Variants in SNX13 observed in about 807,000 individuals in gnomAD.
The protein encoded by SNX13 is sorting nexin 13.
SNX13 carries 45 observed loss-of-function variants against 133.6 expected under a neutral mutation model. The observed-to-expected ratio is 0.34, with a 90% CI of 0.27 to 0.43. SNX13 has a LOEUF of 0.43. SNX13 is among the 20% of genes least tolerant of loss of function. The probability of loss-of-function intolerance (pLI) is 1.00; values close to 1 mark genes in which losing one functional copy is unlikely to be tolerated. For synonymous variants in SNX13, 414 were observed against 373.9 expected, an observed-to-expected ratio of 1.11 and a Z score of -1.24; for missense variants, 1,032 against 1,145.1, an observed-to-expected ratio of 0.90 and a Z score of 1.43.
At chr7:17,915,479 G>T (rs960341881) in intron 1 of SNX13, among the ~76,000 whole-genome samples, 2 of 152,120 alleles carry the variant, frequency 1.3e-5, no homozygotes, top group Non-Finnish European at 2.9e-5. Flanking sequence ...AAAGTCAACC[G>T]ACAAACAACC....
At chr7:17,917,621 T>C (rs916983719) in intron 1 of SNX13, among the ~76,000 whole-genome samples, 2 of 148,700 alleles carry the variant, frequency 1.3e-5, no homozygotes, top group Non-Finnish European at 3.0e-5. Context: ...AACAGAACTA[T>C]AAAACACAGC....
intron 22 of SNX13, among the ~76,000 whole-genome samples, chr7:17,800,878 C>G (rs767126072): frequency 4.0e-5 from 6 of 150,864 alleles, no homozygotes; most frequent in Admixed American, 2.7e-4. Flanking sequence ...ACCAGAATGG[C>G]TAAAATTAAA....
intron 9 of SNX13, among the ~76,000 whole-genome samples, chr7:17,866,579 T>C (rs1270605674): frequency 6.6e-6 from 1 of 151,886 alleles, no homozygotes; most frequent in Non-Finnish European, 1.5e-5. Flanking sequence ...AAGAATGAAA[T>C]ATTGACTGAG....
At chr7:17,824,071 T>C (rs763945180) in intron 17 of SNX13, among the ~76,000 whole-genome samples, 11 of 152,252 alleles carry the variant, frequency 7.2e-5, no homozygotes, top group Middle Eastern at 6.8e-3. Flanking sequence ...GGGTTACATA[T>C]ATTGGTTTTG....
intron 20 of SNX13, among the ~76,000 whole-genome samples, chr7:17,808,120 C>T (rs1785534071): frequency 6.6e-6 from 1 of 152,096 alleles, no homozygotes; most frequent in Admixed American, 6.5e-5. Context: ...GACAAACTGA[C>T]AGAAGTAAGC....
rs529087665 is a variant in SNX13, at chr7:17,892,321, ACTAT to A, written c.229-690_229-687del. Among the ~76,000 whole-genome samples, 38 of 152,212 alleles carry A rather than the reference ACTAT, an allele frequency of 2.5e-4. No individual in the cohort carries two copies. The South Asian group carries it at 7.5e-3, about 30-fold the overall frequency. ...TAGCAAATAAAACCCATTGTTTTAT[ACTAT>A]CTATTAAAAATGGATTATAAAGACT... On this transcript the variant is annotated intron_variant, in intron 3 of 25. Coordinates refer to ENST00000428135, the MANE Select transcript of SNX13 (RefSeq NM_015132.5).
chr7:17,858,646 G>C (rs1315443583), intron 9 of SNX13, among the ~76,000 whole-genome samples: 2 of 152,054 alleles, frequency 1.3e-5, no homozygotes, highest in Non-Finnish European at 2.9e-5. Context: ...TAAATTTTAT[G>C]TGAAAAATAG....
intron 17 of SNX13, among the ~76,000 whole-genome samples, chr7:17,822,709 T>C (rs936102526): frequency 3.9e-5 from 6 of 152,146 alleles, no homozygotes; most frequent in Non-Finnish European, 8.8e-5. Flanking sequence ...TGGTTTTATT[T>C]CTCCCTGGGT....
chr7:17,911,800 G>C (rs1562512266), intron 1 of SNX13, among the ~76,000 whole-genome samples: 1 of 152,070 alleles, frequency 6.6e-6, no homozygotes. Context: ...CCCAAGGATA[G>C]AAATCAGAGA....
rs1323294781 is a variant in SNX13 at position 17,791,350 on chromosome 7, GAACA to G, written c.*2691_*2694del. The G allele has an allele frequency of 1.3e-5, 2 of 149,692 alleles. No individual in the cohort carries two copies. The highest frequency in any genetic ancestry group is 3.0e-5 in the Non-Finnish European group (2 of 67,412). The allele number at this position is 149,692 out of a possible 1,614,324, so 9.3% of individuals were successfully genotyped here. A position where few individuals can be genotyped will look rare whatever the true frequency, so the allele number is the denominator to read the frequency against. ...AATACCAGCAGCACAAACTTAAAAT[GAACA>G]AACTGAAATATTCAAGAAAGTTTTT... On this transcript the variant is annotated 3_prime_UTR_variant, in exon 26 of 26. Transcript: ENST00000428135.
intron 22 of SNX13, 58 bp from the exon 23 acceptor site, chr7:17,799,212 AC>A: frequency 7.2e-7 from 1 of 1,393,856 alleles, no homozygotes; most frequent in Non-Finnish European, 9.6e-7. Context: ...ATGAATTGTT[AC>A]TTTTGTTGCT....
At position 17,794,255 on chromosome 7, in the gene SNX13, C is replaced by A; in HGVS notation, c.2664G>T (p.Arg888=). ...LKHIIGAETT[R]KGILRVFEMF... is the part of the protein sequence containing the mutation. ...TTTCAAAAACACGAAGAATACCTTT[C>A]CGTGTTGTCTCAGCCCCAATAATGT... The change falls in exon 26 of 26, where the codon CGG becomes CGT. Residue 888 remains arginine (R), a synonymous_variant. Transcript: ENST00000428135. The A allele has an allele frequency of 6.2e-7, 1 of 1,611,472 alleles. No individual in the cohort carries two copies. The highest frequency in any genetic ancestry group is 8.5e-7 in the Non-Finnish European group (1 of 1,178,394).
intron 17 of SNX13, among the ~76,000 whole-genome samples, chr7:17,824,555 C>T (rs1431811235): frequency 6.6e-6 from 1 of 151,794 alleles, no homozygotes; most frequent in Non-Finnish European, 1.5e-5. Flanking sequence ...GCCCATCTCA[C>T]AGGTAAGGAA....
chr7:17,916,672 G>GT (rs1799593969), intron 1 of SNX13, among the ~76,000 whole-genome samples: 1 of 150,064 alleles, frequency 6.7e-6, no homozygotes, highest in Non-Finnish European at 1.5e-5. Context: ...AAAGAAGAAC[G>GT]TATCAACCAA....
chr7:17,934,239 A>C (rs1801765286), intron 1 of SNX13, among the ~76,000 whole-genome samples: 1 of 152,222 alleles, frequency 6.6e-6, no homozygotes, highest in South Asian at 2.1e-4. Context: ...TCTGAAATAG[A>C]AAGTCAATTC....
At chr7:17,798,580 C>A in intron 24 of SNX13, 110 bp downstream of exon 24, 2 of 803,496 alleles carry the variant, frequency 2.5e-6, no homozygotes, top group Non-Finnish European at 4.0e-6. Flanking sequence ...TCAATGATAA[C>A]TAAACCAACT....
intron 22 of SNX13, among the ~76,000 whole-genome samples, 178 bp from the exon 23 acceptor site, chr7:17,799,332 A>T (rs1784382417): frequency 6.6e-6 from 1 of 151,830 alleles, no homozygotes; most frequent in African/African-American, 2.4e-5. Flanking sequence ...AGTCATTCTG[A>T]CAGAATACAG....
intron 18 of SNX13, among the ~76,000 whole-genome samples, chr7:17,818,616 G>A (rs1364971193): frequency 6.6e-6 from 1 of 151,946 alleles, no homozygotes; most frequent in East Asian, 1.9e-4. Context: ...AAAAATTCAT[G>A]AAAATATTTT....
intron 9 of SNX13, among the ~76,000 whole-genome samples, chr7:17,853,833 T>C (rs1412171373): frequency 6.6e-6 from 1 of 152,094 alleles, no homozygotes; most frequent in Non-Finnish European, 1.5e-5. Flanking sequence ...TCCCAGCTAC[T>C]TGGGAGGCTG....
Sources: allele counts gnomAD v4.1 joint callset (sites outside exome capture counted in the v4.1 genomes callset), GRCh38; gene constraint gnomAD v4.1.1; transcripts MANE v1.5; gene names NCBI Gene and HGNC (gene_info 2026-07-23, HGNC 2026-07-21).